NFASC: variants seen among roughly 807,000 people sequenced by gnomAD.
The protein encoded by NFASC is neurofascin homolog.
In NFASC, 43 loss-of-function variants were observed where a neutral mutation model predicts 147.5. The ratio of observed to expected loss-of-function variants is 0.29; its 90% CI spans 0.23 to 0.38. The LOEUF is 0.38. NFASC is among the 10% of genes least tolerant of loss of function. The probability of loss-of-function intolerance (pLI) is 1.00; values close to 1 mark genes in which losing one functional copy is unlikely to be tolerated. For synonymous variants in NFASC, 622 were observed against 665.5 expected, an observed-to-expected ratio of 0.93 and a Z score of 1.01; for missense variants, 1,320 against 1,689.0, an observed-to-expected ratio of 0.78 and a Z score of 3.83.
intron 1 of NFASC, chr1:204,870,999 C>T (rs1572242662): frequency 7.8e-7 from 1 of 1,289,410 alleles, no homozygotes; most frequent in East Asian, 5.5e-5. Context: ...TAGCTTCCCT[C>T]CCCACCTGTC....
chr1:204,945,695 A>G (rs569729904), intron 3 of NFASC, among the ~76,000 whole-genome samples: 1 of 143,782 alleles, frequency 7.0e-6, no homozygotes, highest in African/African-American at 2.5e-5. Context: ...GTGCACAGGG[A>G]GGGAGGGAGG....
intron 3 of NFASC, among the ~76,000 whole-genome samples, chr1:204,949,049 C>A (rs955714749): frequency 2.0e-5 from 3 of 152,220 alleles, no homozygotes; most frequent in African/African-American, 7.2e-5. Flanking sequence ...TTTTTGCTTT[C>A]CCCCTGGACT....
chr1:204,828,655 C>A lies in NFASC; in HGVS notation c.-327C>A, dbSNP rs1477483695. 14 of 985,082 alleles carry A rather than the reference C, an allele frequency of 1.4e-5. No homozygotes were observed. Among genetic ancestry groups the A allele is most frequent in the African/African-American group, 1.7e-5 (1 of 57,180 alleles). 61.0% of individuals were successfully genotyped at this position (985,082 alleles called of 1,614,324 possible). On this transcript the variant is annotated 5_prime_UTR_variant, in exon 1 of 30. Transcript: ENST00000339876. ...GGCGCGCCGGCCGCCCGGGGACGCG[C>A]ACGGGCTGGTCTCTGCCCTAATGCG...
intron 1 of NFASC, among the ~76,000 whole-genome samples, chr1:204,891,651 A>G (rs902520309): frequency 6.6e-6 from 1 of 152,184 alleles, no homozygotes; most frequent in African/African-American, 2.4e-5. Context: ...ACTGGACCAC[A>G]CACCTCTATA....
intron 4 of NFASC, 27 bp downstream of exon 4, chr1:204,950,601 C>G: frequency 6.2e-7 from 1 of 1,609,098 alleles, no homozygotes; most frequent in Non-Finnish European, 8.5e-7. Context: ...CCTCTCTGTG[C>G]CTCTGGGAGT....
rs1250925449 is a variant in NFASC, at chr1:205,015,540, C to G, written c.3492-768C>G. 6.6e-6 allele frequency among the ~76,000 whole-genome samples: 1 copy of G among 152,130 alleles called. No homozygotes were observed. The highest frequency in any genetic ancestry group is 1.5e-5 in the Non-Finnish European group (1 of 68,036). On this transcript the variant is annotated intron_variant, in intron 29 of 29. Transcript: ENST00000339876. The surrounding 1 kb of genome is among the most constrained non-coding windows in gnomAD (Gnocchi z 4.0). ...CGGCCCGTGCAGCTTTACTCGGCAG[C>G]CTCCCAGCTCTCCCTGCACAAGGGG... is the stretch of plus-strand genomic sequence containing the variant.
chr1:204,966,082 T>G (rs766314188), intron 8 of NFASC, among the ~76,000 whole-genome samples: 12 of 152,204 alleles, frequency 7.9e-5, no homozygotes, highest in Non-Finnish European at 1.6e-4. Flanking sequence ...TAGGATGCTC[T>G]TCTCTTTTTT....
chr1:204,936,181 TCC>T (rs1338459411), intron 2 of NFASC, among the ~76,000 whole-genome samples: 15 of 28,762 alleles, frequency 5.2e-4, no homozygotes, highest in South Asian at 2.4e-3. Context: ...ATTAACAGAT[TCC>T]CTCTCTCTCT....
chr1:204,919,135 A>G (rs979558662), intron 1 of NFASC, among the ~76,000 whole-genome samples: 2 of 151,876 alleles, frequency 1.3e-5, no homozygotes, highest in African/African-American at 4.8e-5. Context: ...AGTGATTTTC[A>G]TGCCTCAGCC....
rs759321099 is a variant in NFASC, at chr1:204,970,665, C to T, written c.1053C>T (p.Gly351=). 1.7e-5 allele frequency: 27 copies of T among 1,614,004 alleles called. No homozygotes were observed. The highest frequency in any genetic ancestry group is 2.2e-5 in the East Asian group (1 of 44,896). Residue 351 remains glycine (G), a synonymous_variant, in exon 11 of 30, where the codon GGC becomes GGT. Transcript: ENST00000339876. ...DEPKNLILAP[G]EDGRLVCRAN... Reference sequence around the variant, plus strand: ...CCAAGAACCTTATTCTGGCTCCTGGCGAGGATGGGAGACTGGTGTGTCGAG... The same window carrying T: ...CCAAGAACCTTATTCTGGCTCCTGGTGAGGATGGGAGACTGGTGTGTCGAG...
intron 2 of NFASC, among the ~76,000 whole-genome samples, chr1:204,926,801 C>G (rs2091685186): frequency 6.6e-6 from 1 of 151,950 alleles, no homozygotes; most frequent in African/African-American, 2.4e-5. Context: ...AGGCTGGGCA[C>G]AGTGGCTCAC....
chr1:204,849,607 C>T (rs1209083106), intron 1 of NFASC, among the ~76,000 whole-genome samples: 4 of 152,132 alleles, frequency 2.6e-5, no homozygotes, highest in Non-Finnish European at 5.9e-5. Flanking sequence ...CAAGTGGGGG[C>T]CTGAGGGAAA....
At chr1:204,901,535 G>T (rs1423143361) in intron 1 of NFASC, among the ~76,000 whole-genome samples, 1 of 152,138 alleles carries the variant, frequency 6.6e-6, no homozygotes, top group African/African-American at 2.4e-5. Flanking sequence ...GGTCATGGAT[G>T]ACCTTGACAA....
chr1:204,835,495 T>C (rs994130944), intron 1 of NFASC, among the ~76,000 whole-genome samples: 3 of 152,052 alleles, frequency 2.0e-5, no homozygotes, highest in African/African-American at 4.8e-5. Context: ...TCCCAAAGTG[T>C]TGGGATTACA....
At chr1:204,883,510 G>A (rs1007584696) in intron 1 of NFASC, among the ~76,000 whole-genome samples, 29 of 152,346 alleles carry the variant, frequency 1.9e-4, no homozygotes, top group African/African-American at 6.5e-4. Context: ...ATGTGCTCAG[G>A]AGTCAGCTGG....
At chr1:204,981,515 A>C (rs1291968046) in intron 20 of NFASC, among the ~76,000 whole-genome samples, 1 of 152,256 alleles carries the variant, frequency 6.6e-6, no homozygotes, top group Non-Finnish European at 1.5e-5. Flanking sequence ...GTTGAAAATA[A>C]AACCTTTGCA....
intron 25 of NFASC, 169 bp downstream of exon 25, chr1:204,997,575 C>T (rs1424992309): frequency 3.0e-5 from 23 of 763,878 alleles, no homozygotes; most frequent in Admixed American, 1.1e-4. Context: ...TGCTCAGTCC[C>T]GTAGCCTGGA....
At chr1:204,842,816 T>A (rs1010374420) in intron 1 of NFASC, among the ~76,000 whole-genome samples, 1 of 152,264 alleles carries the variant, frequency 6.6e-6, no homozygotes, top group Admixed American at 6.5e-5. Context: ...CGCAGATTCC[T>A]GCCTCCTTTC....
chr1:204,852,875 A>G (rs2075820200), intron 1 of NFASC, among the ~76,000 whole-genome samples: 1 of 152,068 alleles, frequency 6.6e-6, no homozygotes, highest in Admixed American at 6.5e-5. Context: ...TTTTAAGTAC[A>G]TGTTTTGGGG....
Sources: gnomAD v4.1 joint callset for allele counts (sites outside exome capture counted in the v4.1 genomes callset) on GRCh38, gnomAD v4.1.1 for gene constraint, Gnocchi (gnomAD v3.1) non-coding constraint, MANE v1.5 for transcripts, NCBI Gene and HGNC (gene_info 2026-07-23, HGNC 2026-07-21) for gene names.